Variants in POU2F1 observed in about 807,000 individuals in gnomAD.
POU2F1 encodes POU class 2 homeobox 1, also known as POU domain, class 2, transcription factor 1.
Under a neutral mutation model 84.9 loss-of-function variants are expected in POU2F1, and 16 were observed. That is an observed-to-expected ratio of 0.19 (90% CI 0.13 to 0.29). POU2F1 has a LOEUF of 0.29. Among genes scored for constraint, POU2F1 ranks in the 10% least tolerant of loss-of-function variants. POU2F1 has a pLI of 1.00. For missense variants in POU2F1, 738 were observed against 942.6 expected (o/e 0.78, Z 2.84); for synonymous variants, 368 against 368.3 (o/e 1.00, Z 0.01).
At chr1:167,357,792 T>C (rs1659061476) in intron 2 of POU2F1, among the ~76,000 whole-genome samples, 1 of 151,156 alleles carries the variant, frequency 6.6e-6, no homozygotes, top group South Asian at 2.1e-4. Flanking sequence ...TGGTGAATCT[T>C]ATTAATTGAT....
At chr1:167,401,254 C>T (rs192879843) in intron 12 of POU2F1, among the ~76,000 whole-genome samples, 197 bp from the exon 13 acceptor site, 2 of 152,220 alleles carry the variant, frequency 1.3e-5, no homozygotes, top group Admixed American at 1.3e-4. Flanking sequence ...TTGAAATTTA[C>T]GAACTTTTTA....
chr1:167,322,982 C>T (rs779708703), intron 1 of POU2F1, among the ~76,000 whole-genome samples: 42 of 152,172 alleles, frequency 2.8e-4, no homozygotes, highest in African/African-American at 9.2e-4. Context: ...GCATGGGCGT[C>T]GTAGCCATCA....
chr1:167,407,953 CTG>C (rs1021366696), intron 13 of POU2F1, among the ~76,000 whole-genome samples: 6 of 152,300 alleles, frequency 3.9e-5, no homozygotes, highest in African/African-American at 1.4e-4. Context: ...AAGCCACAGA[CTG>C]AGAGAAAACA....
At chr1:167,323,010 T>C (rs1226354586) in intron 1 of POU2F1, among the ~76,000 whole-genome samples, 2 of 152,228 alleles carry the variant, frequency 1.3e-5, no homozygotes, top group African/African-American at 4.8e-5. Flanking sequence ...GTCACAGTGC[T>C]GCAGAGATTT....
At chr1:167,375,913 C>A in intron 6 of POU2F1, 116 bp from the exon 7 acceptor site, 1 of 1,265,914 alleles carries the variant, frequency 7.9e-7, no homozygotes, top group Non-Finnish European at 1.1e-6. Context: ...TGAAAGCATG[C>A]GAAGTATTTA....
intron 1 of POU2F1, among the ~76,000 whole-genome samples, chr1:167,269,929 A>AG (rs71073659): frequency 2.0e-5 from 3 of 150,796 alleles, no homozygotes; most frequent in African/African-American, 7.3e-5. Flanking sequence ...AAAAAAAAAA[A>AG]GAGTAAGAGT....
chr1:167,263,417 G>T (rs1260300681), intron 1 of POU2F1, among the ~76,000 whole-genome samples: 2 of 151,926 alleles, frequency 1.3e-5, no homozygotes, highest in African/African-American at 2.4e-5. Flanking sequence ...CTACTCAGGG[G>T]GTTGAGACAG....
intron 1 of POU2F1, among the ~76,000 whole-genome samples, chr1:167,221,274 T>TGCCGCCTCCTC (rs1479550346): frequency 2.0e-5 from 3 of 151,048 alleles, no homozygotes; most frequent in Non-Finnish European, 3.0e-5. Flanking sequence ...CGGCCGCCGC[T>TGCCGCCTCCTC]GCCGCCTCCT....
chr1:167,402,348 C>T (rs1419046455), intron 13 of POU2F1, among the ~76,000 whole-genome samples: 5 of 152,154 alleles, frequency 3.3e-5, no homozygotes, highest in African/African-American at 1.2e-4. Context: ...TTTTCTCACC[C>T]ATGTTTTAAG....
intron 1 of POU2F1, among the ~76,000 whole-genome samples, chr1:167,309,653 C>T (rs1655323338): frequency 6.6e-6 from 1 of 152,106 alleles, no homozygotes. Flanking sequence ...TAATTTGCTT[C>T]CTCTATTCTT....
At chr1:167,391,023 T>C (rs1648357188) in intron 9 of POU2F1, among the ~76,000 whole-genome samples, 1 of 152,208 alleles carries the variant, frequency 6.6e-6, no homozygotes, top group African/African-American at 2.4e-5. Flanking sequence ...ATATATTTAA[T>C]GGTTTAAACA....
At chr1:167,410,318 C>G (rs1649864574) in intron 13 of POU2F1, among the ~76,000 whole-genome samples, 1 of 152,100 alleles carries the variant, frequency 6.6e-6, no homozygotes. Context: ...TGAGTCTCTC[C>G]CAACCCTGTG....
chr1:167,352,706 A>G (rs1198000979), intron 2 of POU2F1, among the ~76,000 whole-genome samples: 1 of 152,250 alleles, frequency 6.6e-6, no homozygotes, highest in Non-Finnish European at 1.5e-5. Context: ...TTTCCAAAAT[A>G]TGAAATAAAT....
At chr1:167,247,099 A>G (rs950587621) in intron 1 of POU2F1, among the ~76,000 whole-genome samples, 4 of 151,346 alleles carry the variant, frequency 2.6e-5, no homozygotes, top group African/African-American at 9.7e-5. Context: ...TTAAAGAAAC[A>G]GGGTCTCACT....
At chr1:167,292,110 G>A (rs369600250) in intron 1 of POU2F1, among the ~76,000 whole-genome samples, 145 of 152,214 alleles carry the variant, frequency 9.5e-4, no homozygotes, top group African/African-American at 3.5e-3. Context: ...GGCGGGGGAA[G>A]AGCTGTTGAG....
intron 6 of POU2F1, 70 bp from the exon 7 acceptor site, chr1:167,375,959 T>TG: frequency 6.4e-7 from 1 of 1,554,608 alleles, no homozygotes; most frequent in South Asian, 1.1e-5. Flanking sequence ...AGTCATCAGC[T>TG]GGAAGCCTTA....
intron 1 of POU2F1, among the ~76,000 whole-genome samples, chr1:167,272,835 C>G (rs1167068591): frequency 6.6e-6 from 1 of 152,152 alleles, no homozygotes; most frequent in African/African-American, 2.4e-5. Context: ...ATGTCCTTCT[C>G]ACATTGCAAA....
At chr1:167,310,377 A>G (rs2102598360) in intron 1 of POU2F1, among the ~76,000 whole-genome samples, 1 of 152,256 alleles carries the variant, frequency 6.6e-6, no homozygotes, top group East Asian at 1.9e-4. Context: ...CTCAGATTGG[A>G]TTTTTAAAAA....
At chr1:167,291,207 A>G (rs1052304435) in intron 1 of POU2F1, among the ~76,000 whole-genome samples, 4 of 152,164 alleles carry the variant, frequency 2.6e-5, no homozygotes, top group African/African-American at 7.2e-5. Flanking sequence ...AAATCATGCA[A>G]CCTTGCACAT....
Sources: gnomAD v4.1 joint callset for allele counts (sites outside exome capture counted in the v4.1 genomes callset) on GRCh38, gnomAD v4.1.1 for gene constraint, MANE v1.5 for transcripts, NCBI Gene and HGNC (gene_info 2026-07-23, HGNC 2026-07-21) for gene names.